The following LRP12 variants were observed in gnomAD, a reference collection of about 807,000 sequenced individuals.
LRP12 encodes the protein low-density lipoprotein receptor-related protein 12.
A neutral mutation model predicts 66.0 loss-of-function variants in LRP12; 14 were observed. That is an observed-to-expected ratio of 0.21 (90% confidence interval 0.14 to 0.33). LRP12 has a LOEUF of 0.33. LRP12 is among the 10% of genes least tolerant of loss of function. The probability of loss-of-function intolerance (pLI) is 1.00; values close to 1 mark genes in which losing one functional copy is unlikely to be tolerated. For missense variants in LRP12, 889 were observed against 1,053.4 expected (o/e 0.84, Z 2.16); for synonymous variants, 357 against 359.1 (o/e 0.99, Z 0.07).
chr8:104,513,723 C>T (rs1048244571), intron 2 of LRP12, among the ~76,000 whole-genome samples: 2 of 152,174 alleles, frequency 1.3e-5, no homozygotes, highest in African/African-American at 4.8e-5. Context: ...TTTTCTAGCA[C>T]TAGATCCTCT....
At chr8:104,502,809 TA>T (rs1231598898) in intron 3 of LRP12, among the ~76,000 whole-genome samples, 8 of 152,150 alleles carry the variant, frequency 5.3e-5, no homozygotes, top group Non-Finnish European at 1.2e-4. Flanking sequence ...CCAAACTTAA[TA>T]GCTCTTGTTT....
intron 1 of LRP12, chr8:104,566,405 T>A: frequency 3.9e-6 from 1 of 257,280 alleles, no homozygotes; most frequent in South Asian, 6.4e-5. Flanking sequence ...AAGAGCCTCC[T>A]GCCAATCAGT....
intron 1 of LRP12, among the ~76,000 whole-genome samples, chr8:104,588,406 C>CG (rs1250993237): frequency 1.3e-5 from 2 of 152,214 alleles, no homozygotes; most frequent in East Asian, 3.9e-4. Flanking sequence ...GTTGAGGGGG[C>CG]GGGGGGAAGG....
intron 1 of LRP12, among the ~76,000 whole-genome samples, chr8:104,546,945 T>G (rs1037844915): frequency 4.9e-5 from 7 of 143,976 alleles, no homozygotes; most frequent in African/African-American, 1.8e-4. Context: ...ATATTTTGTA[T>G]ATAATATATA....
chr8:104,496,402 C>A (rs1179595663), intron 5 of LRP12, among the ~76,000 whole-genome samples: 1 of 152,138 alleles, frequency 6.6e-6, no homozygotes, highest in Non-Finnish European at 1.5e-5. Flanking sequence ...TATCTATATT[C>A]TTCTACTCAT....
intron 2 of LRP12, among the ~76,000 whole-genome samples, chr8:104,526,955 A>G (rs1346404999): frequency 6.7e-6 from 1 of 148,254 alleles, no homozygotes; most frequent in Non-Finnish European, 1.5e-5. Context: ...GCTAATATCC[A>G]GAATCTACAA....
chr8:104,497,149 C>A lies in LRP12; in HGVS notation c.1403G>T (p.Trp468Leu). The change falls in exon 5 of 7, where the codon TGG becomes TTG. Residue 468 changes from tryptophan to leucine, a missense_variant. Physicochemically the swap from Trp to Leu is moderately conservative, Grantham distance 61 (BLOSUM62 -2). Coordinates refer to ENST00000276654, the MANE Select transcript of LRP12 (RefSeq NM_013437.5). The surrounding 1 kb of genome is among the most constrained non-coding windows in gnomAD (Gnocchi z 4.3). ...CKNNRCVFES[W>L]VCDSQDDCGD... ...ACAGTCATCTTGAGAATCACACACC[C>A]AACTTTCAAACACACAACGATTGTT... The A allele has an allele frequency of 6.2e-7, 1 of 1,611,530 alleles. No homozygotes were observed. Among genetic ancestry groups the A allele is most frequent in the Non-Finnish European group, 8.5e-7 (1 of 1,178,764 alleles).
At chr8:104,513,698 T>G (rs1276683072) in intron 2 of LRP12, among the ~76,000 whole-genome samples, 1 of 152,078 alleles carries the variant, frequency 6.6e-6, no homozygotes, top group African/African-American at 2.4e-5. Context: ...TCCTTCTAAC[T>G]CTATTCTGTG....
intron 4 of LRP12, 63 bp downstream of exon 4, chr8:104,499,254 G>A (rs892333560): frequency 7.0e-6 from 9 of 1,278,102 alleles, no homozygotes; most frequent in African/African-American, 5.9e-5. Context: ...GATTAGCTCC[G>A]AAGTGACAGA....
chr8:104,503,225 G>A (rs1268440192), intron 3 of LRP12, among the ~76,000 whole-genome samples: 2 of 150,766 alleles, frequency 1.3e-5, no homozygotes, highest in African/African-American at 4.9e-5. Flanking sequence ...TACTCGGGAG[G>A]CTGAGGCGGG....
At chr8:104,527,524 C>T (rs1811257097) in intron 2 of LRP12, among the ~76,000 whole-genome samples, 1 of 151,028 alleles carries the variant, frequency 6.6e-6, no homozygotes, top group Non-Finnish European at 1.5e-5. Context: ...GAGTTCATGT[C>T]CTTTGTAGGG....
At chr8:104,534,980 T>C (rs1368256334) in intron 1 of LRP12, among the ~76,000 whole-genome samples, 1 of 150,894 alleles carries the variant, frequency 6.6e-6, no homozygotes, top group South Asian at 2.1e-4. Flanking sequence ...AATGCAGCCA[T>C]GTCAGATATT....
intron 3 of LRP12, chr8:104,508,016 C>T (rs1462613891): frequency 6.6e-6 from 1 of 152,120 alleles, no homozygotes; most frequent in African/African-American, 2.4e-5. Context: ...TCTCCAAAGT[C>T]TCTTCTAAAT....
Position 104,537,834 on chromosome 8 carries a change from C to T in LRP12, c.80-5871G>A, listed in dbSNP as rs187150909. Among the ~76,000 whole-genome samples, 34 of 152,212 alleles carry T rather than the reference C, an allele frequency of 2.2e-4. 1 individual carries two copies. Among genetic ancestry groups the T allele is most frequent in the Middle Eastern group, 3.4e-3 (1 of 294 alleles). ...GTAACACAAAAGTATTCATTCTGTA[C>T]GATTCTATTCTGTTCTATAAAGTTC... On this transcript the variant is annotated intron_variant, in intron 1 of 6. Transcript: ENST00000276654.
chr8:104,564,439 G>A (rs776691624), intron 1 of LRP12, among the ~76,000 whole-genome samples: 32 of 152,000 alleles, frequency 2.1e-4, no homozygotes, highest in African/African-American at 5.8e-4. Flanking sequence ...TTCTAGAATC[G>A]CGCATTATGT....
At position 104,546,919 on chromosome 8, in the gene LRP12, T is replaced by C. The variant is rs1016642901; in HGVS notation, c.80-14956A>G. ...TATTATTATATATATTATATAATTA[T>C]ATATAATTATATATTATATTTTGTA... On this transcript the variant is annotated intron_variant, in intron 1 of 6. Coordinates refer to ENST00000276654, the MANE Select transcript of LRP12 (RefSeq NM_013437.5). 2.9e-4 allele frequency among the ~76,000 whole-genome samples: 40 copies of C among 138,474 alleles called. No homozygotes were observed. In the South Asian group the frequency reaches 4.0e-3, roughly 14 times the overall value. 90.8% of individuals were successfully genotyped at this position (138,474 alleles called of 152,430 possible).
chr8:104,499,664 AAAT>A (rs1423248877), intron 3 of LRP12, 145 bp from the exon 4 acceptor site: 2 of 564,304 alleles, frequency 3.5e-6, no homozygotes, highest in African/African-American at 3.8e-5. Flanking sequence ...TATCATTAGC[AAAT>A]AATAATACTA....
At chr8:104,567,914 T>A (rs1812029762) in intron 1 of LRP12, among the ~76,000 whole-genome samples, 1 of 152,136 alleles carries the variant, frequency 6.6e-6, no homozygotes, top group South Asian at 2.1e-4. Context: ...TGCCTAGAAA[T>A]GGATAAACTA....
Position 104,499,316 on chromosome 8 carries a change from C to T in LRP12, c.475+1G>A. ...AATATCTTTCTTATTTAAAAACACA[C>T]CTGAAAAATATGCCAGTCTGAAACC... is the stretch of plus-strand genomic sequence containing the variant. On this transcript the variant is annotated splice_donor_variant, in intron 4 of 6. Transcript: ENST00000276654. LOFTEE classifies it high-confidence loss of function. 6.2e-7 allele frequency: 1 copy of T among 1,607,768 alleles called. No individual in the cohort carries two copies. Among genetic ancestry groups the T allele is most frequent in the East Asian group, 2.2e-5 (1 of 44,796 alleles).
Sources: allele counts gnomAD v4.1 joint callset (sites outside exome capture counted in the v4.1 genomes callset), GRCh38; gene constraint gnomAD v4.1.1; non-coding constraint Gnocchi (gnomAD v3.1); transcripts MANE v1.5; gene names NCBI Gene and HGNC (gene_info 2026-07-23, HGNC 2026-07-21).